WHRN: variants seen among roughly 807,000 people sequenced by gnomAD.
The protein encoded by WHRN is CASK-interacting protein CIP98.
A neutral mutation model predicts 68.3 loss-of-function variants in WHRN; 41 were observed. The observed-to-expected ratio is 0.60, with a 90% CI of 0.47 to 0.78. The LOEUF is 0.78. Ranked by LOEUF, WHRN falls within the 30% of genes least tolerant of loss-of-function variation. The probability of loss-of-function intolerance (pLI) is 0.00; values close to 1 mark genes in which losing one functional copy is unlikely to be tolerated. For missense variants in WHRN, 1,243 were observed against 1,244.7 expected (o/e 1.00, Z 0.02); for synonymous variants, 560 against 561.3 (o/e 1.00, Z 0.03).
chr9:114,489,457 C>T (rs887033360), intron 1 of WHRN, among the ~76,000 whole-genome samples: 4 of 108,298 alleles, frequency 3.7e-5, no homozygotes, highest in Non-Finnish European at 8.0e-5. Flanking sequence ...AGGCACCACA[C>T]ACACATACAC....
chr9:114,486,015 AAAT>A (rs970905437), intron 1 of WHRN, among the ~76,000 whole-genome samples: 15 of 152,116 alleles, frequency 9.9e-5, no homozygotes, highest in African/African-American at 3.6e-4. Context: ...TTCTGTCTCA[AAAT>A]AATAATAAAA....
At chr9:114,462,671 G>A (rs1196251213) in intron 3 of WHRN, among the ~76,000 whole-genome samples, 4 of 152,224 alleles carry the variant, frequency 2.6e-5, no homozygotes, top group East Asian at 1.9e-4. Context: ...AGTTAAGAAC[G>A]TGGACTCAGA....
At chr9:114,455,813 C>A (rs572389402) in intron 3 of WHRN, among the ~76,000 whole-genome samples, 1 of 151,466 alleles carries the variant, frequency 6.6e-6, no homozygotes, top group African/African-American at 2.4e-5. Flanking sequence ...TCTCAATAAA[C>A]CTATAGTAAG....
chr9:114,477,053 C>T (rs1350427667), intron 2 of WHRN, among the ~76,000 whole-genome samples: 2 of 152,168 alleles, frequency 1.3e-5, no homozygotes, highest in Admixed American at 6.5e-5. Context: ...GGAGAGGGTA[C>T]GAGCCCACCC....
rs1167413558 is a variant in WHRN at position 114,402,870 on chromosome 9, G to A, written c.2608C>T (p.Leu870=). 1 of 1,613,904 alleles carries A rather than the reference G, an allele frequency of 6.2e-7. No homozygotes were observed. Among genetic ancestry groups the A allele is most frequent in the Non-Finnish European group, 8.5e-7 (1 of 1,180,036 alleles). The part of the protein sequence containing the change: ...VGHVILEVNG[L]TLRGKEHREA... Reference sequence around the variant, plus strand: ...CGGTGCTCCTTGCCCCGAAGCGTCAGCCCATTCACTTCCAGAATCACGTGG... The same window carrying A: ...CGGTGCTCCTTGCCCCGAAGCGTCAACCCATTCACTTCCAGAATCACGTGG... Residue 870 remains leucine (L), a synonymous_variant, in exon 12 of 12, where the codon CTG becomes TTG. Transcript: ENST00000362057.
intron 1 of WHRN, among the ~76,000 whole-genome samples, chr9:114,501,156 C>T (rs1554745878): frequency 1.3e-5 from 2 of 152,188 alleles, no homozygotes; most frequent in South Asian, 4.1e-4. Context: ...AGGCAGCATC[C>T]CTGGTCTGTG....
chr9:114,475,577 T>C (rs990492658), intron 2 of WHRN, among the ~76,000 whole-genome samples: 2 of 152,320 alleles, frequency 1.3e-5, no homozygotes, highest in South Asian at 2.1e-4. Flanking sequence ...GTGTGATTTT[T>C]ATGCTACTAT....
intron 2 of WHRN, among the ~76,000 whole-genome samples, chr9:114,466,593 G>A (rs1414485313): frequency 6.6e-6 from 1 of 152,204 alleles, no homozygotes; most frequent in African/African-American, 2.4e-5. Context: ...GTGACCTTGA[G>A]GAAGCCCCTC....
At chr9:114,477,436 G>A (rs968787389) in intron 2 of WHRN, among the ~76,000 whole-genome samples, 2 of 152,164 alleles carry the variant, frequency 1.3e-5, no homozygotes, top group African/African-American at 4.8e-5. Flanking sequence ...GACCATTTCA[G>A]CCTTCCTGTG....
intron 2 of WHRN, among the ~76,000 whole-genome samples, chr9:114,477,743 G>A (rs7043736): frequency 0.084 from 12,819 of 152,192 alleles, 833 homozygotes; most frequent in East Asian, 0.34. Context: ...GACTGCCCCT[G>A]TCCTTCCAGT....
chr9:114,409,659 G>C (rs891666337), intron 7 of WHRN, among the ~76,000 whole-genome samples: 11 of 151,698 alleles, frequency 7.3e-5, no homozygotes, highest in Non-Finnish European at 1.3e-4. Flanking sequence ...GGAACACCAC[G>C]GATGTGTCAG....
intron 9 of WHRN, among the ~76,000 whole-genome samples, chr9:114,404,590 A>T (rs1224008187): frequency 6.6e-6 from 1 of 151,590 alleles, no homozygotes; most frequent in Non-Finnish European, 1.5e-5. Flanking sequence ...TCCAGCCACC[A>T]GTCAACTTCA....
intron 1 of WHRN, among the ~76,000 whole-genome samples, chr9:114,502,345 C>T (rs1462758158): frequency 6.6e-6 from 1 of 152,164 alleles, no homozygotes; most frequent in Non-Finnish European, 1.5e-5. Flanking sequence ...TCTCCCTTGC[C>T]AGCAAGGGTT....
intron 7 of WHRN, among the ~76,000 whole-genome samples, chr9:114,408,395 G>C (rs1835190659): frequency 6.6e-6 from 1 of 152,242 alleles, no homozygotes; most frequent in South Asian, 2.1e-4. Flanking sequence ...CCAGGAAGGT[G>C]TGAAAATGGC....
intron 1 of WHRN, among the ~76,000 whole-genome samples, chr9:114,480,001 TG>T (rs1841973779): frequency 6.6e-6 from 1 of 152,160 alleles, no homozygotes; most frequent in Non-Finnish European, 1.5e-5. Context: ...AGGTGGAGGT[TG>T]CAGTGAGCTG....
At chr9:114,425,297 A>T in intron 4 of WHRN, 1 of 626,242 alleles carries the variant, frequency 1.6e-6, no homozygotes, top group Non-Finnish European at 2.9e-6. Flanking sequence ...CCGCAGGACC[A>T]GGCAGGTAAC....
chr9:114,487,462 C>A (rs1842642158), intron 1 of WHRN, among the ~76,000 whole-genome samples: 1 of 152,148 alleles, frequency 6.6e-6, no homozygotes, highest in Non-Finnish European at 1.5e-5. Flanking sequence ...CTTACCAGTT[C>A]AATGACATAA....
intron 1 of WHRN, among the ~76,000 whole-genome samples, chr9:114,490,574 A>T (rs372076077): frequency 9.4e-6 from 1 of 106,126 alleles, no homozygotes; most frequent in Non-Finnish European, 2.1e-5. Flanking sequence ...ACCCTCTTTT[A>T]AGAGTTTGAC....
intron 3 of WHRN, among the ~76,000 whole-genome samples, chr9:114,455,227 G>GTTTC (rs1227646847): frequency 6.6e-6 from 1 of 151,850 alleles, no homozygotes; most frequent in Non-Finnish European, 1.5e-5. Flanking sequence ...TTGTTTGTTT[G>GTTTC]TTTGTTTTGA....
Sources: allele counts gnomAD v4.1 joint callset (sites outside exome capture counted in the v4.1 genomes callset), GRCh38; gene constraint gnomAD v4.1.1; transcripts MANE v1.5; gene names NCBI Gene and HGNC (gene_info 2026-07-23, HGNC 2026-07-21).